R3HDM2: variants seen among roughly 807,000 people sequenced by gnomAD.
The protein encoded by R3HDM2 is R3H domain-containing protein 2.
R3HDM2 carries 38 observed loss-of-function variants against 124.5 expected under a neutral mutation model. That is an observed-to-expected ratio of 0.31 (90% CI 0.24 to 0.40). The LOEUF (loss-of-function observed/expected upper bound fraction) is 0.40, where lower values mean the gene tolerates loss of function less well. R3HDM2 is among the 10% of genes least tolerant of loss of function. The pLI, the probability that R3HDM2 is intolerant of heterozygous loss-of-function variation, is 1.00. For synonymous variants in R3HDM2, 391 were observed against 448.0 expected (o/e 0.87, Z 1.61); for missense variants, 869 against 1,236.9 (o/e 0.70, Z 4.46).
intron 2 of R3HDM2, among the ~76,000 whole-genome samples, chr12:57,328,951 G>A (rs900039489): frequency 7.2e-5 from 11 of 152,148 alleles, no homozygotes; most frequent in Non-Finnish European, 1.6e-4. Flanking sequence ...GAAACTCACA[G>A]TGTCTCCAAG....
chr12:57,289,188 C>A, intron 11 of R3HDM2, 148 bp from the exon 12 acceptor site: 1 of 727,274 alleles, frequency 1.4e-6, no homozygotes, highest in Non-Finnish European at 2.4e-6. Flanking sequence ...GACAGGATGA[C>A]CCATACCCGC....
intron 2 of R3HDM2, among the ~76,000 whole-genome samples, chr12:57,323,694 T>C (rs756626159): frequency 3.9e-5 from 6 of 152,236 alleles, no homozygotes; most frequent in Non-Finnish European, 5.9e-5. Flanking sequence ...TGGCTGTACT[T>C]GCCTTAAAAT....
Position 57,430,857 on chromosome 12 carries a change from C to T in R3HDM2, c.-243G>A, listed in dbSNP as rs1244807790. On this transcript the variant is annotated 5_prime_UTR_variant, in exon 1 of 24. Transcript: ENST00000402412. ...GGGCTTTTCTCGGCCGGGGCTTCCC[C>T]GGGGCCGAGGGCTGGGAAGCAGGGG... 7.5e-6 allele frequency: 1 copy of T among 133,396 alleles called. No homozygotes were observed. The highest frequency in any genetic ancestry group is 1.6e-5 in the Non-Finnish European group (1 of 61,910). 8.3% of individuals were successfully genotyped at this position (133,396 alleles called of 1,614,324 possible). A position where few individuals can be genotyped will look rare whatever the true frequency, so the allele number is the denominator to read the frequency against.
chr12:57,278,787 T>C (rs2045458727), intron 14 of R3HDM2, among the ~76,000 whole-genome samples: 1 of 152,170 alleles, frequency 6.6e-6, no homozygotes, highest in Non-Finnish European at 1.5e-5. Flanking sequence ...CAAATTACAT[T>C]TAGACACAAA....
rs34853640 is a variant in R3HDM2, at chr12:57,277,441, AT to A, written c.1344+2916del. On this transcript the variant is annotated intron_variant, in intron 14 of 23. Coordinates refer to ENST00000402412, the MANE Select transcript of R3HDM2 (RefSeq NM_001394031.1). ...TAAAGGTAACAACCCTTCCTCAAAG[AT>A]TTTTTTTTTTTTTTTAGACAGAGTC... Among the ~76,000 whole-genome samples the A allele has an allele frequency of 7.7e-3, 1,084 of 140,656 alleles. 3 individuals carry two copies. Among genetic ancestry groups the A allele is most frequent in the African/African-American group, 0.012 (460 of 38,366 alleles). The allele number at this position is 140,656 out of a possible 152,430, so 92.3% of individuals were successfully genotyped here. A position where few individuals can be genotyped will look rare whatever the true frequency, so the allele number is the denominator to read the frequency against.
intron 2 of R3HDM2, among the ~76,000 whole-genome samples, chr12:57,395,445 G>A (rs1225106042): frequency 6.6e-6 from 1 of 152,066 alleles, no homozygotes; most frequent in Non-Finnish European, 1.5e-5. Flanking sequence ...GGAGGTTGCG[G>A]TGAGTTGAGA....
At chr12:57,374,784 G>A (rs1269549765) in intron 2 of R3HDM2, among the ~76,000 whole-genome samples, 1 of 150,218 alleles carries the variant, frequency 6.7e-6, no homozygotes, top group Non-Finnish European at 1.5e-5. Context: ...ACGAGGTCAG[G>A]AGATCAAGAT....
intron 2 of R3HDM2, among the ~76,000 whole-genome samples, chr12:57,323,672 C>T (rs1247421024): frequency 6.6e-6 from 1 of 152,170 alleles, no homozygotes; most frequent in East Asian, 1.9e-4. Context: ...TTTATTTGCT[C>T]AGTATCTGTT....
intron 1 of R3HDM2, among the ~76,000 whole-genome samples, chr12:57,421,839 G>A (rs916568406): frequency 1.3e-5 from 2 of 152,116 alleles, no homozygotes; most frequent in Non-Finnish European, 2.9e-5. Context: ...GCTCATGCCT[G>A]TAATCCCAGC....
chr12:57,374,904 G>C (rs1395181277), intron 2 of R3HDM2, among the ~76,000 whole-genome samples: 5 of 150,866 alleles, frequency 3.3e-5, no homozygotes, highest in East Asian at 3.9e-4. Context: ...GCTGAGGCAG[G>C]AGAATGGCGT....
intron 1 of R3HDM2, among the ~76,000 whole-genome samples, chr12:57,420,076 C>T (rs998406342): frequency 1.3e-5 from 2 of 152,118 alleles, no homozygotes; most frequent in African/African-American, 4.8e-5. Flanking sequence ...CCTTTCCTGA[C>T]CTTTTCCTTC....
rs189296652 is a variant in R3HDM2 at position 57,296,148 on chromosome 12, G to A, written c.701+263C>T. On this transcript the variant is annotated intron_variant, in intron 9 of 23. Transcript: ENST00000402412. This position sits in a 1 kb window ranked among gnomAD's most constrained non-coding sequence, Gnocchi z 4.5. ...CTCCCAAAGTGCTGGGATTACAGGC[G>A]TCAGCCACTGCGCCCGGCCATTTTT... Among the ~76,000 whole-genome samples the A allele has an allele frequency of 6.2e-3, 939 of 151,992 alleles. 1 individual carries two copies. The highest frequency in any genetic ancestry group is 0.01 in the Middle Eastern group (3 of 294).
chr12:57,410,695 A>G (rs1304389782), intron 1 of R3HDM2, among the ~76,000 whole-genome samples: 1 of 152,082 alleles, frequency 6.6e-6, no homozygotes, highest in Non-Finnish European at 1.5e-5. Flanking sequence ...TCTGCAGAAA[A>G]ATTAAAAAAT....
At chr12:57,376,146 C>T (rs536433794) in intron 2 of R3HDM2, among the ~76,000 whole-genome samples, 7 of 152,360 alleles carry the variant, frequency 4.6e-5, no homozygotes, top group African/African-American at 1.4e-4. Context: ...GATAGAACCA[C>T]TATGACCCTC....
chr12:57,403,531 T>A lies in R3HDM2; in HGVS notation c.-105-7713A>T, dbSNP rs1015759819. Reference sequence around the variant, plus strand: ...AAATAAAAAAGAGCAAGATGGGGCCTGGCATGGTGGCTCACACCTGTTACT... The same window carrying A: ...AAATAAAAAAGAGCAAGATGGGGCCAGGCATGGTGGCTCACACCTGTTACT... On this transcript the variant is annotated intron_variant, in intron 1 of 23. Coordinates refer to ENST00000402412, the MANE Select transcript of R3HDM2 (RefSeq NM_001394031.1). 1.2e-3 allele frequency among the ~76,000 whole-genome samples: 173 copies of A among 149,002 alleles called. 1 individual carries two copies. The highest frequency in any genetic ancestry group is 9.1e-4 in the Non-Finnish European group (61 of 67,180).
intron 2 of R3HDM2, among the ~76,000 whole-genome samples, chr12:57,350,616 G>C (rs1384705633): frequency 1.3e-5 from 2 of 152,096 alleles, no homozygotes; most frequent in African/African-American, 4.8e-5. Flanking sequence ...TGGGGCAACA[G>C]AGCAAGACCT....
At chr12:57,310,895 C>G (rs1593091647) in intron 2 of R3HDM2, among the ~76,000 whole-genome samples, 1 of 152,248 alleles carries the variant, frequency 6.6e-6, no homozygotes. Flanking sequence ...ACTGTCTGGA[C>G]TCTTTTACTC....
intron 1 of R3HDM2, among the ~76,000 whole-genome samples, chr12:57,422,106 A>AG (rs1438385577): frequency 1.3e-5 from 2 of 151,564 alleles, no homozygotes; most frequent in East Asian, 3.9e-4. Flanking sequence ...AAAAAAAAAA[A>AG]AAAAAAAAAA....
intron 20 of R3HDM2, 103 bp downstream of exon 20, chr12:57,258,787 G>C: frequency 8.7e-7 from 1 of 1,145,048 alleles, no homozygotes; most frequent in African/African-American, 1.6e-5. Flanking sequence ...AAAGTACCCA[G>C]GAAAAGACAT....
Sources: allele counts gnomAD v4.1 joint callset (sites outside exome capture counted in the v4.1 genomes callset), GRCh38; gene constraint gnomAD v4.1.1; non-coding constraint Gnocchi (gnomAD v3.1); transcripts MANE v1.5; gene names NCBI Gene and HGNC (gene_info 2026-07-23, HGNC 2026-07-21).